Variants in UGT2B7 observed in about 807,000 individuals in gnomAD.
UGT2B7 encodes UDP-glucuronosyltransferase 2B7.
Under a neutral mutation model 51.9 loss-of-function variants are expected in UGT2B7, and 51 were observed. The ratio of observed to expected loss-of-function variants is 0.98; its 90% CI spans 0.78 to 1.24. UGT2B7 has a LOEUF of 1.24. UGT2B7 is among the 50% of genes most tolerant of loss of function. The pLI is 0.00. For missense variants in UGT2B7, 727 were observed against 628.4 expected, an observed-to-expected ratio of 1.16 and a Z score of -1.68; for synonymous variants, 225 against 211.6, an observed-to-expected ratio of 1.06 and a Z score of -0.55.
chr4:69,078,044 T>C (rs188827394), intron 1 of UGT2B7, among the ~76,000 whole-genome samples: 5 of 152,294 alleles, frequency 3.3e-5, no homozygotes, highest in African/African-American at 7.2e-5. Context: ...AATCATGTTT[T>C]TTTTGGTTTG....
At chr4:69,077,732 A>G (rs1173990323) in intron 1 of UGT2B7, among the ~76,000 whole-genome samples, 1 of 152,110 alleles carries the variant, frequency 6.6e-6, no homozygotes, top group African/African-American at 2.4e-5. Flanking sequence ...CTGCAGAGAC[A>G]ATTTGACTTC....
At position 69,096,878 on chromosome 4, in the gene UGT2B7, G is replaced by C. The variant is rs1577921077; in HGVS notation, c.358G>C (p.Gly120Arg). 6.2e-7 allele frequency: 1 copy of C among 1,613,070 alleles called. No individual in the cohort carries two copies. The highest frequency in any genetic ancestry group is 8.5e-7 in the Non-Finnish European group (1 of 1,179,710). Residue 120 changes from glycine (G) to arginine (R), a missense_variant, in exon 1 of 6, where the codon GGT becomes CGT. Physicochemically the swap from Gly to Arg is moderately radical, Grantham distance 125. Coordinates refer to ENST00000305231, the MANE Select transcript of UGT2B7 (RefSeq NM_001074.4). ...AGTACAGGAAATCATGTCAATATTTGGTGACATAACTAGAAAGTTCTGTAA... is the reference window on the plus strand; with the variant it reads ...AGTACAGGAAATCATGTCAATATTTCGTGACATAACTAGAAAGTTCTGTAA... The part of the protein sequence containing the change: ...SQVQEIMSIF[G>R]DITRKFCKDV...
intron 2 of UGT2B7, among the ~76,000 whole-genome samples, chr4:69,102,417 A>G (rs1315423804): frequency 2.0e-5 from 3 of 152,200 alleles, no homozygotes; most frequent in East Asian, 1.9e-4. Context: ...TAGAACAACA[A>G]TATAGAATTA....
chr4:69,090,143 C>T (rs2109878903), intron 2 of UGT2B7, among the ~76,000 whole-genome samples: 1 of 152,200 alleles, frequency 6.6e-6, no homozygotes, highest in South Asian at 2.1e-4. Flanking sequence ...ATATTATAGT[C>T]TAGTAGTCAG....
intron 1 of UGT2B7, among the ~76,000 whole-genome samples, chr4:69,060,583 G>T (rs548842415): frequency 6.6e-6 from 1 of 152,204 alleles, no homozygotes; most frequent in South Asian, 2.1e-4. Flanking sequence ...GGGAATGGCC[G>T]TAAGAGTTCT....
chr4:69,087,742 A>T (rs1471551345), intron 1 of UGT2B7, among the ~76,000 whole-genome samples: 1 of 151,910 alleles, frequency 6.6e-6, no homozygotes, highest in Non-Finnish European at 1.5e-5. Context: ...AGCACTTTAA[A>T]TGTATATCTT....
At chr4:69,067,906 T>C (rs1718516208) in intron 1 of UGT2B7, among the ~76,000 whole-genome samples, 1 of 152,042 alleles carries the variant, frequency 6.6e-6, no homozygotes, top group African/African-American at 2.4e-5. Flanking sequence ...ATAAGAAAGA[T>C]TGAGGCCAAA....
chr4:69,082,345 T>G (rs1718857169), intron 1 of UGT2B7, among the ~76,000 whole-genome samples: 1 of 151,316 alleles, frequency 6.6e-6, no homozygotes. Flanking sequence ...TGTTAAAAGC[T>G]CAGAAAGACT....
At position 69,096,612 on chromosome 4, in the gene UGT2B7, C is replaced by G. The variant is rs1228010081; in HGVS notation, c.92C>G (p.Ala31Gly). 1 of 1,613,982 alleles carries G rather than the reference C, an allele frequency of 6.2e-7. No individual in the cohort carries two copies. Among genetic ancestry groups the G allele is most frequent in the East Asian group, 2.2e-5 (1 of 44,868 alleles). ...GNCGKVLVWAAEYSHWMNIKT... is the reference protein window; with the variant it reads ...GNCGKVLVWAGEYSHWMNIKT... Reference sequence around the variant, plus strand: ...TGTGGAAAGGTGCTGGTGTGGGCAGCAGAATACAGCCATTGGATGAATATA... The same window carrying G: ...TGTGGAAAGGTGCTGGTGTGGGCAGGAGAATACAGCCATTGGATGAATATA... The change falls in exon 1 of 6, where the codon GCA becomes GGA. Residue 31 changes from alanine to glycine, a missense_variant. Transcript: ENST00000305231.
chr4:69,063,539 C>G (rs1169068239), intron 1 of UGT2B7, among the ~76,000 whole-genome samples: 1 of 152,046 alleles, frequency 6.6e-6, no homozygotes, highest in African/African-American at 2.4e-5. Context: ...GGATCACCAT[C>G]TATTAGAATA....
chr4:69,100,646 G>A (rs1197567358), intron 2 of UGT2B7, among the ~76,000 whole-genome samples: 2 of 152,002 alleles, frequency 1.3e-5, no homozygotes, highest in Non-Finnish European at 2.9e-5. Flanking sequence ...GATAGTGTCA[G>A]TAGGAGGGGG....
chr4:69,068,211 A>T (rs146696123), intron 1 of UGT2B7, among the ~76,000 whole-genome samples: 1 of 152,168 alleles, frequency 6.6e-6, no homozygotes. Flanking sequence ...AATTCCCATT[A>T]TATTTAATGT....
At chr4:69,087,896 A>G (rs1718998021) in intron 1 of UGT2B7, among the ~76,000 whole-genome samples, 1 of 151,928 alleles carries the variant, frequency 6.6e-6, no homozygotes, top group African/African-American at 2.4e-5. Flanking sequence ...TTGCCTTTTA[A>G]CAATTTAAAT....
In UGT2B7 at chr4:69,096,781, G is replaced by A. The variant is rs988847781; in HGVS notation, c.261G>A (p.Glu87=). 4.3e-6 allele frequency: 7 copies of A among 1,613,816 alleles called. No homozygotes were observed. In the African/African-American group the frequency reaches 6.7e-5, roughly 15 times the overall value. Residue 87 remains glutamate, a synonymous_variant, in exon 1 of 6, where the codon GAG becomes GAA. Transcript: ENST00000305231. ...CATCTTTAACTAAAACTGAGTTGGA[G>A]AATTTCATCATGCAACAGATTAAGA... ...YPTSLTKTEL[E]NFIMQQIKRW...
chr4:69,099,067 T>C (rs938282630), intron 2 of UGT2B7, among the ~76,000 whole-genome samples: 1 of 151,938 alleles, frequency 6.6e-6, no homozygotes, highest in African/African-American at 2.4e-5. Context: ...CCACATACCT[T>C]ACATTCTACT....
intron 1 of UGT2B7, among the ~76,000 whole-genome samples, chr4:69,056,669 C>T (rs4583828): frequency 0.46 from 70,308 of 151,934 alleles, 17,819 homozygotes; most frequent in African/African-American, 0.67. Flanking sequence ...ACCTACTTAC[C>T]GCTCCTTTGT....
intron 2 of UGT2B7, among the ~76,000 whole-genome samples, chr4:69,101,776 C>T (rs956645192): frequency 6.6e-5 from 10 of 152,058 alleles, no homozygotes; most frequent in Admixed American, 5.2e-4. Flanking sequence ...ATTTAAACAT[C>T]GGCATATATT....
intron 2 of UGT2B7, 125 bp from the exon 3 acceptor site, chr4:69,102,682 T>A: frequency 7.0e-7 from 1 of 1,430,252 alleles, no homozygotes; most frequent in African/African-American, 1.4e-5. Flanking sequence ...AGTTAAAAAA[T>A]ATTATTTACT....
At chr4:69,059,366 C>A (rs939734197) in intron 1 of UGT2B7, among the ~76,000 whole-genome samples, 6 of 152,188 alleles carry the variant, frequency 3.9e-5, no homozygotes, top group Non-Finnish European at 7.3e-5. Flanking sequence ...CCAAATGGTT[C>A]TGTTCCTTTG....
Sources: gnomAD v4.1 joint callset for allele counts (sites outside exome capture counted in the v4.1 genomes callset) on GRCh38, gnomAD v4.1.1 for gene constraint, MANE v1.5 for transcripts, NCBI Gene and HGNC (gene_info 2026-07-23, HGNC 2026-07-21) for gene names.